The following PCDHGA5 variants were observed in gnomAD, a reference collection of about 807,000 sequenced individuals.
PCDHGA5 encodes the protein protocadherin gamma-A5.
In PCDHGA5, 36 loss-of-function variants were observed where a neutral mutation model predicts 56.7. The ratio of observed to expected loss-of-function variants is 0.64; its 90% CI spans 0.49 to 0.84. PCDHGA5 has a LOEUF of 0.84. Among genes scored for constraint, PCDHGA5 ranks in the 40% least tolerant of loss-of-function variants. PCDHGA5 has a pLI of 0.00. For missense variants in PCDHGA5, 1,305 were observed against 1,201.5 expected (o/e 1.09, Z -1.27); for synonymous variants, 563 against 520.2 (o/e 1.08, Z -1.12).
chr5:141,407,497 G>GTTTTTTT (rs1554102286), intron 1 of PCDHGA5, among the ~76,000 whole-genome samples: 1 of 152,088 alleles, frequency 6.6e-6, no homozygotes, highest in African/African-American at 2.4e-5. Context: ...CTTTATTTCT[G>GTTTTTTT]TTTTTCTTAG....
intron 1 of PCDHGA5, among the ~76,000 whole-genome samples, chr5:141,467,591 T>C (rs765816743): frequency 3.3e-5 from 5 of 152,360 alleles, no homozygotes; most frequent in South Asian, 4.1e-4. Flanking sequence ...ATGCCATTTA[T>C]TAAGCACTTC....
rs903741318 is a variant in PCDHGA5, at chr5:141,454,939, C to G, written c.2422-39868C>G. On this transcript the variant is annotated intron_variant, in intron 1 of 3. Coordinates refer to ENST00000518069, the MANE Select transcript of PCDHGA5 (RefSeq NM_018918.3). ...TCTCCTGCCTCAGCCTCCCGAGTAG[C>G]TGGGACTACAGGCGCCGGCCACCAC... 6.0e-5 allele frequency among the ~76,000 whole-genome samples: 9 copies of G among 150,982 alleles called. No homozygotes were observed. The East Asian group carries it at 1.8e-3, about 30-fold the overall frequency.
At chr5:141,478,936 G>A in intron 1 of PCDHGA5, 1 of 633,220 alleles carries the variant, frequency 1.6e-6, no homozygotes, top group African/African-American at 1.9e-5. Context: ...GCAGCTTCTA[G>A]GAATACAAAA....
chr5:141,370,355 C>A, intron 1 of PCDHGA5: 3 of 1,508,892 alleles, frequency 2.0e-6, no homozygotes, highest in Non-Finnish European at 1.8e-6. Flanking sequence ...TAAAGATCTC[C>A]TCTCCTCGGA....
intron 1 of PCDHGA5, chr5:141,409,672 T>C (rs1411780634): frequency 2.5e-6 from 4 of 1,613,458 alleles, no homozygotes; most frequent in Non-Finnish European, 2.5e-6. Flanking sequence ...TCTCCTACTC[T>C]ATAGTGGCGA....
chr5:141,455,400 C>G (rs537466326), intron 1 of PCDHGA5, among the ~76,000 whole-genome samples: 8 of 152,274 alleles, frequency 5.3e-5, no homozygotes, highest in Admixed American at 5.2e-4. Context: ...CTCCCCCTTA[C>G]AGAGACAGAG....
intron 1 of PCDHGA5, among the ~76,000 whole-genome samples, chr5:141,397,239 G>A (rs563338293): frequency 1.8e-4 from 27 of 152,262 alleles, no homozygotes; most frequent in Non-Finnish European, 3.4e-4. Flanking sequence ...GAAGAGCAAC[G>A]TAGTAGGGTA....
Position 141,365,604 on chromosome 5 carries a change from T to C in PCDHGA5, c.1274T>C (p.Met425Thr), listed in dbSNP as rs370603640. ...TSDYNITLTVMDHGTPPLSTE... is the reference protein window; with the variant it reads ...TSDYNITLTVTDHGTPPLSTE... The stretch of plus-strand genomic sequence containing the variant: ...GATTATAATATCACTTTAACCGTCA[T>C]GGACCATGGAACCCCGCCCCTCTCT... The change falls in exon 1 of 4, where the codon ATG becomes ACG. Residue 425 changes from methionine to threonine, a missense_variant. Met to Thr is a moderately conservative substitution (Grantham distance 81). Transcript: ENST00000518069. 2.4e-5 allele frequency: 39 copies of C among 1,613,554 alleles called. No homozygotes were observed. Among genetic ancestry groups the C allele is most frequent in the Non-Finnish European group, 3.0e-5 (35 of 1,179,904 alleles).
At chr5:141,417,423 C>T (rs1252792899) in intron 1 of PCDHGA5, 1 of 159,686 alleles carries the variant, frequency 6.3e-6, no homozygotes, top group African/African-American at 2.4e-5. Context: ...TATGTAAATT[C>T]AGTAAATAAA....
At chr5:141,506,805 G>A (rs1314432893) in intron 3 of PCDHGA5, among the ~76,000 whole-genome samples, 1 of 152,172 alleles carries the variant, frequency 6.6e-6, no homozygotes, top group African/African-American at 2.4e-5. Flanking sequence ...GAGGATCAAG[G>A]CATTGCCCTA....
Position 141,476,370 on chromosome 5 carries a change from A to G in PCDHGA5, c.2422-18437A>G, listed in dbSNP as rs747703594. 13 of 1,613,882 alleles carry G rather than the reference A, an allele frequency of 8.1e-6. No individual in the cohort carries two copies. In the East Asian group the frequency reaches 2.7e-4, roughly 33 times the overall value. On this transcript the variant is annotated intron_variant, in intron 1 of 3. Transcript: ENST00000518069. This position sits in a 1 kb window ranked among gnomAD's most constrained non-coding sequence, Gnocchi z 7.6. ...TTTGAGGTGAACCGGGAGACCGGAG[A>G]GATGTTTGTGAACGACCGTCTGGAT...
chr5:141,498,656 G>A (rs2154592341), intron 2 of PCDHGA5, among the ~76,000 whole-genome samples: 1 of 152,336 alleles, frequency 6.6e-6, no homozygotes, highest in Non-Finnish European at 1.5e-5. Context: ...ACCTGGCCAG[G>A]TGTGGTGGCT....
At chr5:141,503,745 G>A (rs1377110427) in intron 2 of PCDHGA5, among the ~76,000 whole-genome samples, 3 of 152,220 alleles carry the variant, frequency 2.0e-5, no homozygotes, top group South Asian at 2.1e-4. Flanking sequence ...ATGGTATAGA[G>A]GTCACACATG....
At chr5:141,419,702 G>T (rs116279995) in intron 1 of PCDHGA5, 2 of 1,612,834 alleles carry the variant, frequency 1.2e-6, no homozygotes, top group East Asian at 4.5e-5. Context: ...CAGTGAGCCC[G>T]GGCTCTTCAG....
intron 1 of PCDHGA5, among the ~76,000 whole-genome samples, chr5:141,469,045 G>C (rs35157158): frequency 1.4e-3 from 207 of 152,234 alleles, no homozygotes; most frequent in Middle Eastern, 0.01. Flanking sequence ...GGGAGGCCAA[G>C]GTGGGAGGAT....
chr5:141,456,312 GCTC>G (rs2098849548), intron 1 of PCDHGA5, among the ~76,000 whole-genome samples: 1 of 152,126 alleles, frequency 6.6e-6, no homozygotes, highest in Admixed American at 6.6e-5. Context: ...AGCAGCTAGG[GCTC>G]CTCCTGGGGT....
At position 141,364,783 on chromosome 5, in the gene PCDHGA5, G is replaced by T. The variant is rs1763536521; in HGVS notation, c.453G>T (p.Arg151=). The change falls in exon 1 of 4, where the codon CGG becomes CGT. Residue 151 remains arginine, a synonymous_variant. Transcript: ENST00000518069. The part of the protein sequence containing the change: ...KVNENAAAGT[R]LVLPFARDAD... ...ATGAAAATGCGGCTGCAGGGACACG[G>T]TTAGTGCTTCCCTTCGCGCGGGATG... 1 of 1,614,030 alleles carries T rather than the reference G, an allele frequency of 6.2e-7. No homozygotes were observed. Among genetic ancestry groups the T allele is most frequent in the East Asian group, 2.2e-5 (1 of 44,892 alleles).
rs755254491 is a variant in PCDHGA5, at chr5:141,409,746, T to TCG, written c.2421+42999_2421+43000dup. On this transcript the variant is annotated intron_variant, in intron 1 of 3. Transcript: ENST00000518069. ...GTGAGCGCGCAGAGCGGGGTGGTGT[T>TCG]CGCGCAGCGCGCCTTTGATCACGAG... The TCG allele has an allele frequency of 3.1e-6, 5 of 1,613,024 alleles. No homozygotes were observed. The South Asian group carries it at 5.5e-5, about 18-fold the overall frequency.
intron 1 of PCDHGA5, chr5:141,419,206 G>A: frequency 1.9e-6 from 3 of 1,613,876 alleles, no homozygotes; most frequent in Non-Finnish European, 1.7e-6. Flanking sequence ...ATGACAACGC[G>A]CCGGTTTTCG....
Sources: allele counts gnomAD v4.1 joint callset (sites outside exome capture counted in the v4.1 genomes callset), GRCh38; gene constraint gnomAD v4.1.1; non-coding constraint Gnocchi (gnomAD v3.1); transcripts MANE v1.5; gene names NCBI Gene and HGNC (gene_info 2026-07-23, HGNC 2026-07-21).